SNTG1: variants seen among roughly 807,000 people sequenced by gnomAD.
SNTG1 encodes syntrophin gamma 1.
SNTG1 carries 39 observed loss-of-function variants against 74.7 expected under a neutral mutation model. That is an observed-to-expected ratio of 0.52 (90% CI 0.40 to 0.68). The LOEUF is 0.68. SNTG1 is among the 30% of genes least tolerant of loss of function. The pLI, the probability that SNTG1 is intolerant of heterozygous loss-of-function variation, is 0.00. For synonymous variants in SNTG1, 254 were observed against 217.1 expected, an observed-to-expected ratio of 1.17 and a Z score of -1.49; for missense variants, 685 against 609.5, an observed-to-expected ratio of 1.12 and a Z score of -1.30.
At chr8:50,750,523 C>T (rs2095564929) in intron 17 of SNTG1, among the ~76,000 whole-genome samples, 1 of 151,766 alleles carries the variant, frequency 6.6e-6, no homozygotes, top group African/African-American at 2.4e-5. Context: ...TTTCATGAAA[C>T]AGTCAATCAA....
chr8:50,452,217 T>C (rs1163451557), intron 8 of SNTG1, among the ~76,000 whole-genome samples: 1 of 152,226 alleles, frequency 6.6e-6, no homozygotes, highest in Non-Finnish European at 1.5e-5. Context: ...AGTCATGCTC[T>C]TGCCACTCTG....
At chr8:50,770,062 G>A (rs1388225298) in intron 18 of SNTG1, among the ~76,000 whole-genome samples, 1 of 152,070 alleles carries the variant, frequency 6.6e-6, no homozygotes, top group East Asian at 1.9e-4. Flanking sequence ...GATGAAGAGA[G>A]TAAAGGATCA....
chr8:50,525,356 G>A (rs1438241417), intron 9 of SNTG1, among the ~76,000 whole-genome samples: 3 of 152,042 alleles, frequency 2.0e-5, no homozygotes. Flanking sequence ...TTCAGTGTGA[G>A]CCTTTCTAGG....
At position 50,075,736 on chromosome 8, in the gene SNTG1, T is replaced by A. The variant is rs564052871; in HGVS notation, c.-102-96825T>A. Among the ~76,000 whole-genome samples, 11 of 152,174 alleles carry A rather than the reference T, an allele frequency of 7.2e-5. 1 individual carries two copies. Among genetic ancestry groups the A allele is most frequent in the African/African-American group, 2.4e-4 (10 of 41,522 alleles). On this transcript the variant is annotated intron_variant, in intron 1 of 18. Transcript: ENST00000642720. Reference sequence around the variant, plus strand: ...ACTCACTGGGAAGGTCTGCAGCTTTTCTCCTGAGGCCAGCAAGACCACGAA... The same window carrying A: ...ACTCACTGGGAAGGTCTGCAGCTTTACTCCTGAGGCCAGCAAGACCACGAA...
At chr8:50,309,222 T>C (rs1432270361) in intron 2 of SNTG1, among the ~76,000 whole-genome samples, 2 of 152,170 alleles carry the variant, frequency 1.3e-5, no homozygotes, top group African/African-American at 4.8e-5. Flanking sequence ...TTTAAGTTTC[T>C]TTCGAAATCT....
intron 1 of SNTG1, among the ~76,000 whole-genome samples, chr8:50,016,732 CAG>C (rs755485016): frequency 2.0e-5 from 3 of 151,992 alleles, no homozygotes; most frequent in Non-Finnish European, 2.9e-5. Context: ...ATAAAATAAA[CAG>C]AAAGTAATAA....
At chr8:50,232,541 T>C (rs967544078) in intron 2 of SNTG1, among the ~76,000 whole-genome samples, 1 of 151,452 alleles carries the variant, frequency 6.6e-6, no homozygotes, top group East Asian at 1.9e-4. Flanking sequence ...AGGCAAGATG[T>C]TTACTCTTTT....
chr8:50,462,120 C>T (rs1271989537), intron 8 of SNTG1, among the ~76,000 whole-genome samples: 1 of 151,948 alleles, frequency 6.6e-6, no homozygotes, highest in Non-Finnish European at 1.5e-5. Context: ...AACCAAAAGC[C>T]AGCTGTACCC....
rs1585539198 is a variant in SNTG1 at position 50,515,716 on chromosome 8, A to G, written c.466+12836A>G. Among the ~76,000 whole-genome samples the G allele has an allele frequency of 2.0e-5, 3 of 151,792 alleles. No individual in the cohort carries two copies. In the South Asian group the frequency reaches 6.2e-4, roughly 32 times the overall value. The stretch of plus-strand genomic sequence containing the variant: ...TTCTAACAGGGTAGAGTGCACCACA[A>G]CTCTGCAAAGCCACTGTAGCCAGAC... On this transcript the variant is annotated intron_variant, in intron 9 of 18. Coordinates refer to ENST00000642720, the MANE Select transcript of SNTG1 (RefSeq NM_018967.5).
At chr8:50,504,644 AC>A (rs1403648125) in intron 9 of SNTG1, among the ~76,000 whole-genome samples, 6 of 151,684 alleles carry the variant, frequency 4.0e-5, no homozygotes, top group African/African-American at 1.5e-4. Flanking sequence ...ATACAAAAAA[AC>A]CCCAAAATAG....
intron 12 of SNTG1, among the ~76,000 whole-genome samples, chr8:50,580,343 T>C (rs191716322): frequency 4.0e-4 from 61 of 152,326 alleles, no homozygotes; most frequent in African/African-American, 1.3e-3. Flanking sequence ...TTGTCTCAGA[T>C]GAAGCTTTGG....
chr8:50,589,617 C>T (rs1408600610), intron 12 of SNTG1, among the ~76,000 whole-genome samples: 6 of 150,508 alleles, frequency 4.0e-5, no homozygotes, highest in African/African-American at 1.2e-4. Flanking sequence ...TTGCAGTTTA[C>T]GAAGCTACAT....
At chr8:50,774,094 T>C (rs1220998201) in intron 18 of SNTG1, among the ~76,000 whole-genome samples, 1 of 151,868 alleles carries the variant, frequency 6.6e-6, no homozygotes, top group Non-Finnish European at 1.5e-5. Flanking sequence ...AACAAAAATA[T>C]AAATGAAGAA....
intron 13 of SNTG1, among the ~76,000 whole-genome samples, chr8:50,608,044 A>C (rs1448298324): frequency 6.6e-6 from 1 of 151,448 alleles, no homozygotes; most frequent in East Asian, 1.9e-4. Context: ...AGTATTTCTA[A>C]TTTAATTATG....
At chr8:50,132,637 G>C (rs1392559789) in intron 1 of SNTG1, among the ~76,000 whole-genome samples, 1 of 152,106 alleles carries the variant, frequency 6.6e-6, no homozygotes, top group African/African-American at 2.4e-5. Flanking sequence ...GCCTTCTGTG[G>C]CAAAAGTCCT....
chr8:50,535,688 C>T (rs1485632413), intron 10 of SNTG1, among the ~76,000 whole-genome samples: 1 of 152,150 alleles, frequency 6.6e-6, no homozygotes, highest in African/African-American at 2.4e-5. Flanking sequence ...CAACATACAA[C>T]CTTAAGTAAA....
At chr8:50,309,536 G>A (rs995826886) in intron 2 of SNTG1, among the ~76,000 whole-genome samples, 3 of 152,144 alleles carry the variant, frequency 2.0e-5, no homozygotes, top group Non-Finnish European at 4.4e-5. Flanking sequence ...AGATGAGTGG[G>A]GGATTTTGAC....
At chr8:49,983,668 G>C (rs959229347) in intron 1 of SNTG1, among the ~76,000 whole-genome samples, 1 of 152,208 alleles carries the variant, frequency 6.6e-6, no homozygotes, top group African/African-American at 2.4e-5. Flanking sequence ...ATGGGTCCTT[G>C]TCAGTCACAG....
chr8:49,952,987 C>T (rs1032623141), intron 1 of SNTG1, among the ~76,000 whole-genome samples: 4 of 152,110 alleles, frequency 2.6e-5, no homozygotes, highest in Non-Finnish European at 4.4e-5. Flanking sequence ...AATTTGTTGC[C>T]TTCCATGCAG....
Sources: allele counts gnomAD v4.1 joint callset (sites outside exome capture counted in the v4.1 genomes callset), GRCh38; gene constraint gnomAD v4.1.1; transcripts MANE v1.5; gene names NCBI Gene and HGNC (gene_info 2026-07-23, HGNC 2026-07-21).